MACROD2: variants seen among roughly 807,000 people sequenced by gnomAD.
The protein encoded by MACROD2 is mono-ADP ribosylhydrolase 2.
Under a neutral mutation model 70.4 loss-of-function variants are expected in MACROD2, and 36 were observed. The ratio of observed to expected loss-of-function variants is 0.51; its 90% CI spans 0.39 to 0.68. The LOEUF is 0.68. Ranked by LOEUF, MACROD2 falls within the 30% of genes least tolerant of loss-of-function variation. The probability of loss-of-function intolerance (pLI) is 0.00; values close to 1 mark genes in which losing one functional copy is unlikely to be tolerated. For missense variants in MACROD2, 496 were observed against 538.4 expected (o/e 0.92, Z 0.78); for synonymous variants, 172 against 178.8 (o/e 0.96, Z 0.30).
chr20:15,039,657 TA>T (rs1363267750), intron 5 of MACROD2, among the ~76,000 whole-genome samples: 5 of 148,000 alleles, frequency 3.4e-5, no homozygotes, highest in African/African-American at 7.4e-5. Flanking sequence ...GATAGACAAC[TA>T]AACAGAAAGC....
Position 14,138,980 on chromosome 20 carries a change from G to T in MACROD2, c.271+53252G>T, listed in dbSNP as rs545375856. Among the ~76,000 whole-genome samples the T allele has an allele frequency of 1.3e-3, 202 of 152,002 alleles. 1 individual carries two copies. Among genetic ancestry groups the T allele is most frequent in the Middle Eastern group, 6.8e-3 (2 of 294 alleles). On this transcript the variant is annotated intron_variant, in intron 3 of 17. Transcript: ENST00000684519. ...TGTTCTGAAGGAAAACATAAATAAA[G>T]ATTATATTTTAGAAGAGTAATAAGA...
intron 5 of MACROD2, among the ~76,000 whole-genome samples, chr20:15,041,546 C>A (rs1301041138): frequency 1.3e-5 from 2 of 152,026 alleles, no homozygotes; most frequent in Admixed American, 1.3e-4. Flanking sequence ...ATCCTCCCAC[C>A]TCAGTCTCCT....
At chr20:15,692,916 C>T (rs2050316720) in intron 8 of MACROD2, among the ~76,000 whole-genome samples, 1 of 152,124 alleles carries the variant, frequency 6.6e-6, no homozygotes, top group Admixed American at 6.5e-5. Context: ...CAGTTTCCCC[C>T]ATGCTGTTCT....
rs757188619 is a variant in MACROD2, at chr20:14,975,649, ATGTG to A, written c.419-254289_419-254286del. 1.2e-3 allele frequency among the ~76,000 whole-genome samples: 185 copies of A among 152,022 alleles called. 1 individual carries two copies. Among genetic ancestry groups the A allele is most frequent in the Admixed American group, 2.0e-3 (31 of 15,254 alleles). ...TGATGGCCTTGTTCTGGGGCTTTCC[ATGTG>A]TTACAGCATTCGACTCTCACGACCT... On this transcript the variant is annotated intron_variant, in intron 5 of 17. Transcript: ENST00000684519.
intron 4 of MACROD2, among the ~76,000 whole-genome samples, chr20:14,653,653 G>A (rs1349955564): frequency 1.3e-5 from 2 of 152,054 alleles, no homozygotes; most frequent in Non-Finnish European, 2.9e-5. Flanking sequence ...ACTGCACCTT[G>A]CCTACTATAA....
intron 6 of MACROD2, among the ~76,000 whole-genome samples, chr20:15,384,638 G>T (rs1297297095): frequency 6.6e-6 from 1 of 151,866 alleles, no homozygotes; most frequent in Non-Finnish European, 1.5e-5. Flanking sequence ...CTATATGCCG[G>T]GTGTTATATT....
chr20:14,740,074 A>T lies in MACROD2; in HGVS notation c.418+55115A>T, dbSNP rs530406312. ...TTCTCAGGGTAGGGGGATGATGGGT[A>T]TGTTTCCTATTATCTTTATTCTTTA... On this transcript the variant is annotated intron_variant, in intron 5 of 17. Coordinates refer to ENST00000684519, the MANE Select transcript of MACROD2 (RefSeq NM_001351661.2). Among the ~76,000 whole-genome samples, 76 of 152,236 alleles carry T rather than the reference A, an allele frequency of 5.0e-4. No individual in the cohort carries two copies. In the South Asian group the frequency reaches 0.015, roughly 29 times the overall value.
At chr20:14,456,182 A>G (rs904996715) in intron 3 of MACROD2, among the ~76,000 whole-genome samples, 1 of 152,024 alleles carries the variant, frequency 6.6e-6, no homozygotes, top group African/African-American at 2.4e-5. Flanking sequence ...CAGCCTTCAG[A>G]TAACAGTCTT....
At chr20:15,811,290 C>G (rs1324004464) in intron 8 of MACROD2, among the ~76,000 whole-genome samples, 1 of 151,484 alleles carries the variant, frequency 6.6e-6, no homozygotes, top group Non-Finnish European at 1.5e-5. Flanking sequence ...TATGAACAGA[C>G]ACTTCTCAAA....
intron 6 of MACROD2, among the ~76,000 whole-genome samples, chr20:15,344,021 G>C (rs1490239283): frequency 2.6e-5 from 4 of 152,070 alleles, no homozygotes; most frequent in Non-Finnish European, 5.9e-5. Flanking sequence ...AAAGGAGCAG[G>C]AATCTAAATA....
intron 3 of MACROD2, among the ~76,000 whole-genome samples, chr20:14,341,600 T>C (rs1054755854): frequency 6.6e-6 from 1 of 152,106 alleles, no homozygotes; most frequent in Non-Finnish European, 1.5e-5. Flanking sequence ...GATTGTACCA[T>C]GCACTCCAGC....
chr20:14,609,415 T>G (rs747270183), intron 4 of MACROD2, among the ~76,000 whole-genome samples: 7 of 152,134 alleles, frequency 4.6e-5, no homozygotes, highest in Non-Finnish European at 8.8e-5. Context: ...GAAGACTTAT[T>G]AGCAGACTAG....
At chr20:14,343,986 G>T (rs1336586618) in intron 3 of MACROD2, among the ~76,000 whole-genome samples, 1 of 152,130 alleles carries the variant, frequency 6.6e-6, no homozygotes, top group East Asian at 1.9e-4. Flanking sequence ...TAGACTTTCT[G>T]AAAGGAAGAT....
At chr20:15,357,873 C>G (rs1217037509) in intron 6 of MACROD2, among the ~76,000 whole-genome samples, 1 of 147,760 alleles carries the variant, frequency 6.8e-6, no homozygotes, top group East Asian at 2.0e-4. Flanking sequence ...GTGGCGCGAT[C>G]TCAGCTTACT....
At chr20:15,728,999 CTT>C (rs976870837) in intron 8 of MACROD2, among the ~76,000 whole-genome samples, 1 of 152,108 alleles carries the variant, frequency 6.6e-6, no homozygotes, top group Non-Finnish European at 1.5e-5. Flanking sequence ...ATCTTTCTAA[CTT>C]TTTGATGTGG....
At chr20:14,688,507 A>G (rs1390044207) in intron 5 of MACROD2, among the ~76,000 whole-genome samples, 1 of 152,192 alleles carries the variant, frequency 6.6e-6, no homozygotes, top group African/African-American at 2.4e-5. Flanking sequence ...AGAATATCCA[A>G]TCATTCTTTT....
intron 8 of MACROD2, among the ~76,000 whole-genome samples, chr20:15,646,408 C>A (rs6074929): frequency 6.6e-6 from 1 of 152,132 alleles, no homozygotes; most frequent in Admixed American, 6.5e-5. Flanking sequence ...GAAATTTGTG[C>A]TGAAAAGTCT....
At chr20:14,980,245 G>T (rs6034078) in intron 5 of MACROD2, among the ~76,000 whole-genome samples, 37 of 152,180 alleles carry the variant, frequency 2.4e-4, no homozygotes, top group African/African-American at 8.9e-4. Context: ...TGAATTAATG[G>T]ATTAATGAAT....
chr20:14,132,552 A>C (rs2054731730), intron 3 of MACROD2, among the ~76,000 whole-genome samples: 1 of 152,330 alleles, frequency 6.6e-6, no homozygotes. Flanking sequence ...CTAATGATTA[A>C]TGTTCTTTGC....
Sources: gnomAD v4.1 joint callset for allele counts (sites outside exome capture counted in the v4.1 genomes callset) on GRCh38, gnomAD v4.1.1 for gene constraint, MANE v1.5 for transcripts, NCBI Gene and HGNC (gene_info 2026-07-23, HGNC 2026-07-21) for gene names.